Variants in LY96 observed in about 807,000 individuals in gnomAD.
LY96 encodes lymphocyte antigen 96, also known as myeloid differentiation protein-2.
In LY96, 18 loss-of-function variants were observed where a neutral mutation model predicts 18.9. That is an observed-to-expected ratio of 0.95 (90% CI 0.66 to 1.41). The LOEUF is 1.41. Among genes scored for constraint, LY96 ranks in the 40% most tolerant of loss-of-function variants. LY96 has a pLI of 0.00. For synonymous variants in LY96, 66 were observed against 62.6 expected (o/e 1.06, Z -0.26); for missense variants, 175 against 182.4 (o/e 0.96, Z 0.23).
the LY96 span, among the ~76,000 whole-genome samples, chr8:74,062,835 T>C: frequency 6.6e-6 from 1 of 152,242 alleles, no homozygotes; most frequent in Non-Finnish European, 1.5e-5. Context: ...GTGTTGAAGC[T>C]AGAATTTGAA....
At chr8:74,044,150 A>G in the LY96 span, among the ~76,000 whole-genome samples, 20 of 151,808 alleles carry the variant, frequency 1.3e-4, no homozygotes, top group Middle Eastern at 3.4e-3. Flanking sequence ...AGGTGGAAAC[A>G]TGTATGTTAT....
the LY96 span, among the ~76,000 whole-genome samples, chr8:74,045,431 T>C: frequency 6.6e-6 from 1 of 152,190 alleles, no homozygotes; most frequent in Admixed American, 6.5e-5. Flanking sequence ...ATTTTAAGGT[T>C]CTAGGTCTAC....
At chr8:74,094,255 ATGTGTGTGTGTGTGTGTGTC>A in the LY96 span, among the ~76,000 whole-genome samples, 1 of 149,644 alleles carries the variant, frequency 6.7e-6, no homozygotes, top group South Asian at 2.1e-4. Context: ...GGGTGTGTGT[ATGTGTGTGTGTGTGTGTGTC>A]TGTGTGTGTA....
chr8:74,088,173 T>C, the LY96 span, among the ~76,000 whole-genome samples: 1 of 141,068 alleles, frequency 7.1e-6, no homozygotes, highest in Non-Finnish European at 1.6e-5. Context: ...AAGGAAAGTG[T>C]TGCTTAACCA....
chr8:74,003,534 C>T lies in LY96; in HGVS notation c.113-1262C>T, dbSNP rs114188248. Among the ~76,000 whole-genome samples the T allele has an allele frequency of 9.7e-3, 1,478 of 152,318 alleles. 13 individuals carry two copies. The highest frequency in any genetic ancestry group is 0.029 in the African/African-American group (1,186 of 41,548). On this transcript the variant is annotated intron_variant, in intron 1 of 4. Coordinates refer to ENST00000284818, the MANE Select transcript of LY96 (RefSeq NM_015364.5). ...CATAACCTTCACCATGGTGCCCAGA[C>T]GGCTGTAGTTCAGGCCTGCTCAGGC...
At chr8:74,079,037 T>C in the LY96 span, among the ~76,000 whole-genome samples, 2 of 152,236 alleles carry the variant, frequency 1.3e-5, no homozygotes, top group African/African-American at 4.8e-5. Flanking sequence ...TGTGAAGATG[T>C]TTCTCAAAAA....
the LY96 span, among the ~76,000 whole-genome samples, chr8:74,091,022 C>T: frequency 6.6e-6 from 1 of 152,096 alleles, no homozygotes; most frequent in South Asian, 2.1e-4. Context: ...TCTATTTTGG[C>T]TGCTATTTGT....
the LY96 span, among the ~76,000 whole-genome samples, chr8:74,081,062 TTCTTACTTTCTTTCTTCTCTTTCTC>T: frequency 1.6e-5 from 2 of 125,396 alleles, no homozygotes; most frequent in African/African-American, 7.9e-5. Context: ...CTTTCTTTCT[TTCTTACTTTCTTTCTTCTCTTTCTC>T]TCTTTCTTTC....
chr8:74,001,795 A>G (rs1344352638), intron 1 of LY96, among the ~76,000 whole-genome samples: 1 of 152,170 alleles, frequency 6.6e-6, no homozygotes, highest in African/African-American at 2.4e-5. Flanking sequence ...CTATGATTGC[A>G]TCACTGCACT....
At chr8:74,061,350 C>T in the LY96 span, among the ~76,000 whole-genome samples, 9 of 152,224 alleles carry the variant, frequency 5.9e-5, no homozygotes, top group African/African-American at 1.7e-4. Context: ...TGGAACAAAA[C>T]AAGATGACTG....
At position 74,016,544 on chromosome 8, in the gene LY96, G is replaced by A. The variant is rs532163010; in HGVS notation, c.331+6415G>A. Among the ~76,000 whole-genome samples, 486 of 152,304 alleles carry A rather than the reference G, an allele frequency of 3.2e-3. 4 individuals are homozygous for A. Among genetic ancestry groups the A allele is most frequent in the Non-Finnish European group, 4.3e-3 (291 of 68,026 alleles). ...AGCATGGTGTTTGAGCTCTGAGATC[G>A]GACAGACTGTCTCCTCAAGTGGGTC... On this transcript the variant is annotated intron_variant, in intron 3 of 4. Coordinates refer to ENST00000284818, the MANE Select transcript of LY96 (RefSeq NM_015364.5).
chr8:74,003,415 G>C (rs561807092), intron 1 of LY96, among the ~76,000 whole-genome samples: 6 of 152,300 alleles, frequency 3.9e-5, no homozygotes, highest in Admixed American at 3.9e-4. Context: ...AATTGTGACA[G>C]GTTCATAACT....
intron 1 of LY96, among the ~76,000 whole-genome samples, chr8:73,999,919 T>C (rs973814764): frequency 7.3e-5 from 11 of 149,774 alleles, no homozygotes; most frequent in African/African-American, 1.5e-4. Flanking sequence ...ATTTGGATGC[T>C]TTTTTTTTTC....
the LY96 span, among the ~76,000 whole-genome samples, chr8:74,072,666 C>G: frequency 6.6e-6 from 1 of 152,094 alleles, no homozygotes; most frequent in Non-Finnish European, 1.5e-5. Flanking sequence ...TGAAATAATG[C>G]CAATCTACCT....
chr8:74,050,727 C>T, the LY96 span, among the ~76,000 whole-genome samples: 20 of 152,210 alleles, frequency 1.3e-4, no homozygotes, highest in East Asian at 3.3e-3. Context: ...CTCTTTTAAA[C>T]GTTATCTAAG....
At chr8:74,089,422 T>C in the LY96 span, among the ~76,000 whole-genome samples, 1 of 151,836 alleles carries the variant, frequency 6.6e-6, no homozygotes, top group Non-Finnish European at 1.5e-5. Context: ...ATGGAACACA[T>C]CCATGTATCT....
chr8:74,028,658 C>T (rs193263455), intron 4 of LY96, among the ~76,000 whole-genome samples: 8 of 151,936 alleles, frequency 5.3e-5, no homozygotes, highest in African/African-American at 1.9e-4. Flanking sequence ...CTTATGGTGA[C>T]CATTTTAAAA....
At chr8:74,051,755 G>A in the LY96 span, among the ~76,000 whole-genome samples, 1 of 152,162 alleles carries the variant, frequency 6.6e-6, no homozygotes, top group Non-Finnish European at 1.5e-5. Flanking sequence ...GTCTGTGAAC[G>A]AGGTAGTCGG....
the LY96 span, among the ~76,000 whole-genome samples, chr8:74,096,209 C>T: frequency 1.3e-5 from 2 of 152,184 alleles, no homozygotes; most frequent in East Asian, 1.9e-4. Flanking sequence ...AGCTGGTCTT[C>T]AAGCTTCCAT....
Sources: allele counts gnomAD v4.1 joint callset (sites outside exome capture counted in the v4.1 genomes callset), GRCh38; gene constraint gnomAD v4.1.1; transcripts MANE v1.5; gene names NCBI Gene and HGNC (gene_info 2026-07-23, HGNC 2026-07-21).